The following ELP3 variants were observed in gnomAD, a reference collection of about 807,000 sequenced individuals.
ELP3 encodes the protein elongator acetyltransferase complex subunit 3, also known as elongator complex protein 3.
A neutral mutation model predicts 74.9 loss-of-function variants in ELP3; 56 were observed. The observed-to-expected ratio is 0.75, with a 90% CI of 0.60 to 0.93. The LOEUF (loss-of-function observed/expected upper bound fraction) is 0.93. ELP3 is among the 40% of genes least tolerant of loss of function. ELP3 has a pLI of 0.00. For missense variants in ELP3, 573 were observed against 686.5 expected (o/e 0.83, Z 1.85); for synonymous variants, 222 against 239.8 (o/e 0.93, Z 0.68).
chr8:28,095,969 G>A (rs1183467021), intron 1 of ELP3, among the ~76,000 whole-genome samples: 2 of 152,200 alleles, frequency 1.3e-5, no homozygotes, highest in East Asian at 3.8e-4. Context: ...AGCAGCAGGC[G>A]AGCAAGTGAA....
chr8:28,108,045 G>A, intron 5 of ELP3, 69 bp downstream of exon 5: 1 of 1,321,378 alleles, frequency 7.6e-7, no homozygotes, highest in Non-Finnish European at 1.1e-6. Context: ...GGTTTTACCA[G>A]TACTGGCTTT....
At chr8:28,156,522 A>C (rs1813835266) in intron 11 of ELP3, among the ~76,000 whole-genome samples, 1 of 152,142 alleles carries the variant, frequency 6.6e-6, no homozygotes. Flanking sequence ...CCCAGGATAT[A>C]CAAAGAGCCC....
rs71519670 is a variant in ELP3, at chr8:28,109,506, A to G, written c.394-864A>G. Reference sequence around the variant, plus strand: ...ATCCTTCAGGGATATTTTAGGGAACACAGCATACACAGGTTGCCTATCCCT... The same window carrying G: ...ATCCTTCAGGGATATTTTAGGGAACGCAGCATACACAGGTTGCCTATCCCT... On this transcript the variant is annotated intron_variant, in intron 5 of 14. Transcript: ENST00000256398. 9.0e-3 allele frequency among the ~76,000 whole-genome samples: 1,364 copies of G among 152,330 alleles called. 14 individuals are homozygous for G. Among genetic ancestry groups the G allele is most frequent in the Non-Finnish European group, 0.015 (1,024 of 68,026 alleles).
At chr8:28,189,558 T>C in intron 14 of ELP3, 91 bp from the exon 15 acceptor site, 1 of 1,211,266 alleles carries the variant, frequency 8.3e-7, no homozygotes, top group Non-Finnish European at 1.2e-6. Flanking sequence ...GGTCTCTGGG[T>C]GGGAGAGAGT....
rs117077528 is a variant in ELP3 at position 28,150,688 on chromosome 8, C to T, written c.1101-5254C>T. ...CTGTAGTTTGAAAATGAAATGCCTA[C>T]ATGTAGGTTTTGGGGGCATTTATCC... is the stretch of plus-strand genomic sequence containing the variant. On this transcript the variant is annotated intron_variant, in intron 10 of 14. Transcript: ENST00000256398. Among the ~76,000 whole-genome samples the T allele has an allele frequency of 4.3e-3, 660 of 152,156 alleles. 4 individuals are homozygous for T. Among genetic ancestry groups the T allele is most frequent in the African/African-American group, 0.015 (612 of 41,516 alleles).
chr8:28,099,414 A>G (rs1349125691), intron 2 of ELP3, among the ~76,000 whole-genome samples: 1 of 152,224 alleles, frequency 6.6e-6, no homozygotes, highest in Non-Finnish European at 1.5e-5. Context: ...GGTAGTACAT[A>G]GAGACCAAGG....
intron 10 of ELP3, among the ~76,000 whole-genome samples, chr8:28,138,443 T>G (rs1054194241): frequency 6.6e-6 from 1 of 152,210 alleles, no homozygotes. Flanking sequence ...CTATTTATAC[T>G]TACATACATA....
Position 28,160,325 on chromosome 8 carries a change from C to T in ELP3, c.1354C>T (p.Arg452Ter), listed in dbSNP as rs765496547. 3 of 1,613,994 alleles carry T rather than the reference C, an allele frequency of 1.9e-6. No homozygotes were observed. Among genetic ancestry groups the T allele is most frequent in the Non-Finnish European group, 8.5e-7 (1 of 1,180,018 alleles). ...PDQDILIGLL[R>*]LRKCSEETFR... Reference sequence around the variant, plus strand: ...TCAAGACATTTTGATTGGCCTCCTACGATTACGCAAGTGTTCAGAAGAAAC... The same window carrying T: ...TCAAGACATTTTGATTGGCCTCCTATGATTACGCAAGTGTTCAGAAGAAAC... Residue 452 changes from arginine (R) to a stop codon, truncating the protein, a stop_gained, in exon 13 of 15, where the codon CGA becomes TGA. Transcript: ENST00000256398. LOFTEE classifies it high-confidence loss of function.
At position 28,114,542 on chromosome 8, in the gene ELP3, C is replaced by G. The variant is rs117607664; in HGVS notation, c.617+1369C>G. On this transcript the variant is annotated intron_variant, in intron 7 of 14. Coordinates refer to ENST00000256398, the MANE Select transcript of ELP3 (RefSeq NM_018091.6). ...ACACTCTTTTAAACAACAAATCTCA[C>G]GTGAAACAACTGAGCGAGAACTCAC... 3.9e-3 allele frequency among the ~76,000 whole-genome samples: 600 copies of G among 152,172 alleles called. 6 individuals carry two copies. Among genetic ancestry groups the G allele is most frequent in the East Asian group, 0.015 (79 of 5,178 alleles).
chr8:28,151,065 G>A (rs1025617621), intron 10 of ELP3, among the ~76,000 whole-genome samples: 15 of 152,120 alleles, frequency 9.9e-5, no homozygotes, highest in Admixed American at 6.5e-4. Flanking sequence ...GTGAGCCACC[G>A]TACTCGGCCT....
At position 28,103,585 on chromosome 8, in the gene ELP3, A is replaced by G. The variant is rs1385809883; in HGVS notation, c.259-3128A>G. Reference sequence around the variant, plus strand: ...TCAACAAGTGCAACTGGTAGATCATATAGTAAGACTATGTTTCACTTTGTA... The same window carrying G: ...TCAACAAGTGCAACTGGTAGATCATGTAGTAAGACTATGTTTCACTTTGTA... On this transcript the variant is annotated intron_variant, in intron 3 of 14. Coordinates refer to ENST00000256398, the MANE Select transcript of ELP3 (RefSeq NM_018091.6). 3.9e-5 allele frequency among the ~76,000 whole-genome samples: 6 copies of G among 152,238 alleles called. No individual in the cohort carries two copies. In the South Asian group the frequency reaches 8.3e-4, roughly 21 times the overall value.
chr8:28,165,009 C>T (rs143982631), intron 14 of ELP3, among the ~76,000 whole-genome samples: 32 of 152,154 alleles, frequency 2.1e-4, no homozygotes, highest in Admixed American at 3.9e-4. Context: ...GTCAGCGTTA[C>T]CTCATTGGAT....
intron 3 of ELP3, among the ~76,000 whole-genome samples, chr8:28,102,850 T>G (rs933224824): frequency 1.3e-5 from 2 of 152,208 alleles, no homozygotes; most frequent in African/African-American, 4.8e-5. Flanking sequence ...TACTGTGTCA[T>G]ATGAAATAGT....
chr8:28,169,368 G>A (rs1027976311), intron 14 of ELP3, among the ~76,000 whole-genome samples: 1 of 152,198 alleles, frequency 6.6e-6, no homozygotes, highest in Non-Finnish European at 1.5e-5. Flanking sequence ...ATTCAGCAGG[G>A]CATAGAGGGG....
At chr8:28,181,872 T>C (rs1815024197) in intron 14 of ELP3, among the ~76,000 whole-genome samples, 1 of 152,228 alleles carries the variant, frequency 6.6e-6, no homozygotes. Flanking sequence ...AATAAATTAG[T>C]GCATGGAGAG....
intron 6 of ELP3, among the ~76,000 whole-genome samples, chr8:28,111,556 C>T (rs114894722): frequency 0.01 from 1,536 of 152,224 alleles, 24 homozygotes; most frequent in African/African-American, 0.035. Context: ...GTCACCCAAG[C>T]GTATGAGGAA....
intron 7 of ELP3, among the ~76,000 whole-genome samples, chr8:28,123,370 G>A (rs1335581031): frequency 6.6e-6 from 1 of 151,736 alleles, no homozygotes; most frequent in Admixed American, 6.6e-5. Context: ...TTTCATTTTG[G>A]CCAGAGAACC....
At chr8:28,167,541 T>C (rs1183563750) in intron 14 of ELP3, among the ~76,000 whole-genome samples, 1 of 152,208 alleles carries the variant, frequency 6.6e-6, no homozygotes, top group African/African-American at 2.4e-5. Context: ...TGTCTGAAAA[T>C]GGACTCATAA....
intron 13 of ELP3, among the ~76,000 whole-genome samples, chr8:28,160,787 CTGGTTCAAG>C (rs913941488): frequency 2.7e-5 from 3 of 110,034 alleles, no homozygotes; most frequent in African/African-American, 1.3e-4. Context: ...CTCCGCCTCC[CTGGTTCAAG>C]TGATTCTCCT....
Sources: gnomAD v4.1 joint callset for allele counts (sites outside exome capture counted in the v4.1 genomes callset) on GRCh38, gnomAD v4.1.1 for gene constraint, MANE v1.5 for transcripts, NCBI Gene and HGNC (gene_info 2026-07-23, HGNC 2026-07-21) for gene names.